HPSE2: variants seen among roughly 807,000 people sequenced by gnomAD.
The protein encoded by HPSE2 is inactive heparanase-2.
In HPSE2, 38 loss-of-function variants were observed where a neutral mutation model predicts 60.5. The observed-to-expected ratio is 0.63, with a 90% CI of 0.48 to 0.82. The LOEUF is 0.82. Among genes scored for constraint, HPSE2 ranks in the 40% least tolerant of loss-of-function variants. The pLI, the probability that HPSE2 is intolerant of heterozygous loss-of-function variation, is 0.00. For synonymous variants in HPSE2, 295 were observed against 293.2 expected, an observed-to-expected ratio of 1.01 and a Z score of -0.06; for missense variants, 713 against 740.4, an observed-to-expected ratio of 0.96 and a Z score of 0.43.
At chr10:98,963,436 C>A (rs1955733960) in intron 3 of HPSE2, among the ~76,000 whole-genome samples, 1 of 152,064 alleles carries the variant, frequency 6.6e-6, no homozygotes, top group African/African-American at 2.4e-5. Flanking sequence ...TAGTACCTCT[C>A]CAATAGTTGC....
intron 3 of HPSE2, among the ~76,000 whole-genome samples, chr10:99,011,239 C>T (rs1390748494): frequency 6.6e-6 from 1 of 151,622 alleles, no homozygotes; most frequent in Non-Finnish European, 1.5e-5. Context: ...ATATGAAACA[C>T]AAAACATCCA....
intron 3 of HPSE2, among the ~76,000 whole-genome samples, chr10:99,029,139 A>G (rs1564748773): frequency 6.6e-6 from 1 of 152,232 alleles, no homozygotes; most frequent in African/African-American, 2.4e-5. Flanking sequence ...ATGGGATCAC[A>G]TCAAGTTAAA....
chr10:99,084,864 A>G (rs1843266053), intron 3 of HPSE2, among the ~76,000 whole-genome samples: 1 of 152,234 alleles, frequency 6.6e-6, no homozygotes, highest in South Asian at 2.1e-4. Context: ...CACAGAAGGT[A>G]CATTAAAAAG....
At chr10:98,694,276 C>T (rs571916841) in intron 5 of HPSE2, among the ~76,000 whole-genome samples, 1 of 152,306 alleles carries the variant, frequency 6.6e-6, no homozygotes, top group South Asian at 2.1e-4. Flanking sequence ...CTTGTCTGTC[C>T]CATTTCCTAT....
At chr10:99,055,604 C>T (rs1443224776) in intron 3 of HPSE2, among the ~76,000 whole-genome samples, 2 of 151,950 alleles carry the variant, frequency 1.3e-5, no homozygotes, top group Admixed American at 6.6e-5. Flanking sequence ...CCTTAAAATC[C>T]AAAGACTGAA....
intron 7 of HPSE2, among the ~76,000 whole-genome samples, chr10:98,635,167 A>G (rs1174476552): frequency 2.0e-5 from 3 of 152,222 alleles, no homozygotes; most frequent in African/African-American, 7.2e-5. Flanking sequence ...TCAATAAATG[A>G]AGGAAGGAAG....
chr10:98,976,223 A>G (rs1564704645), intron 3 of HPSE2, among the ~76,000 whole-genome samples: 1 of 152,122 alleles, frequency 6.6e-6, no homozygotes, highest in Non-Finnish European at 1.5e-5. Context: ...CTATACATAT[A>G]TATATTTACT....
intron 11 of HPSE2, among the ~76,000 whole-genome samples, chr10:98,465,437 A>G (rs1276243639): frequency 6.6e-6 from 1 of 152,208 alleles, no homozygotes; most frequent in African/African-American, 2.4e-5. Context: ...TGACGCCCTT[A>G]ACCATAGCCC....
intron 9 of HPSE2, among the ~76,000 whole-genome samples, chr10:98,584,721 C>G (rs1253257855): frequency 6.6e-6 from 1 of 152,212 alleles, no homozygotes; most frequent in African/African-American, 2.4e-5. Context: ...TTCTAAGATG[C>G]TACCAAGAGT....
intron 9 of HPSE2, among the ~76,000 whole-genome samples, chr10:98,507,788 CT>C: frequency 6.6e-6 from 1 of 152,150 alleles, no homozygotes; most frequent in East Asian, 1.9e-4. Context: ...CCCTTCTTCC[CT>C]CCCCATCTTT....
rs537026400 is a variant in HPSE2 at position 99,050,684 on chromosome 10, A to C, written c.610+93554T>G. ...CACAATAGAAAAAATTAGCCATTTA[A>C]AAGAAGGAAATTATGTCATTTGGGA... On this transcript the variant is annotated intron_variant, in intron 3 of 11. Coordinates refer to ENST00000370552, the MANE Select transcript of HPSE2 (RefSeq NM_021828.5). Among the ~76,000 whole-genome samples the C allele has an allele frequency of 2.6e-5, 4 of 152,292 alleles. No individual in the cohort carries two copies. The East Asian group carries it at 7.7e-4, about 29-fold the overall frequency.
At chr10:98,761,135 T>A (rs1949995170) in intron 3 of HPSE2, among the ~76,000 whole-genome samples, 1 of 152,162 alleles carries the variant, frequency 6.6e-6, no homozygotes, top group African/African-American at 2.4e-5. Context: ...ATCCTTTGTA[T>A]TTCTGTGGTA....
At chr10:98,538,000 G>A (rs1943341159) in intron 9 of HPSE2, among the ~76,000 whole-genome samples, 2 of 152,184 alleles carry the variant, frequency 1.3e-5, no homozygotes, top group African/African-American at 4.8e-5. Flanking sequence ...GACGTATGCT[G>A]CCTTCTCCTC....
intron 9 of HPSE2, among the ~76,000 whole-genome samples, chr10:98,583,262 C>T (rs1195980834): frequency 6.6e-6 from 1 of 152,168 alleles, no homozygotes; most frequent in East Asian, 1.9e-4. Flanking sequence ...CACCAATTAA[C>T]CAGTGGGAAA....
intron 3 of HPSE2, among the ~76,000 whole-genome samples, chr10:99,093,084 C>T (rs1008562762): frequency 5.9e-5 from 9 of 152,076 alleles, no homozygotes; most frequent in East Asian, 1.9e-4. Context: ...AAAAATTAAC[C>T]GGGCATGGTG....
chr10:98,925,086 T>C (rs1025829450), intron 3 of HPSE2, among the ~76,000 whole-genome samples: 1 of 152,246 alleles, frequency 6.6e-6, no homozygotes, highest in African/African-American at 2.4e-5. Flanking sequence ...GCATGGCCAC[T>C]GCTAGGGGAT....
intron 9 of HPSE2, among the ~76,000 whole-genome samples, chr10:98,592,410 AC>A (rs1232185603): frequency 6.6e-6 from 1 of 152,204 alleles, no homozygotes; most frequent in Non-Finnish European, 1.5e-5. Context: ...TCTCCCTCAA[AC>A]AAAAATCCTC....
chr10:99,102,472 A>C (rs919146326), intron 3 of HPSE2, among the ~76,000 whole-genome samples: 1 of 152,302 alleles, frequency 6.6e-6, no homozygotes, highest in African/African-American at 2.4e-5. Context: ...ACAGGCTCTG[A>C]AATTGAGGCA....
chr10:99,118,783 G>A (rs1844817578), intron 3 of HPSE2, among the ~76,000 whole-genome samples: 1 of 152,118 alleles, frequency 6.6e-6, no homozygotes, highest in Non-Finnish European at 1.5e-5. Context: ...TTGGGAGGCT[G>A]AGGTGGTCAG....
Sources: allele counts gnomAD v4.1 joint callset (sites outside exome capture counted in the v4.1 genomes callset), GRCh38; gene constraint gnomAD v4.1.1; transcripts MANE v1.5; gene names NCBI Gene and HGNC (gene_info 2026-07-23, HGNC 2026-07-21).